GPR26: variants seen among roughly 807,000 people sequenced by gnomAD.
GPR26 encodes G protein-coupled receptor 26.
Under a neutral mutation model 23.1 loss-of-function variants are expected in GPR26, and 15 were observed. The observed-to-expected ratio is 0.65, with a 90% confidence interval of 0.43 to 1.00. The LOEUF (loss-of-function observed/expected upper bound fraction) is 1.00, where lower values mean the gene tolerates loss of function less well. Among genes scored for constraint, GPR26 ranks in the 50% least tolerant of loss-of-function variants. The pLI is 0.00. For missense variants in GPR26, 359 were observed against 470.5 expected (o/e 0.76, Z 2.19); for synonymous variants, 228 against 222.1 (o/e 1.03, Z -0.24).
chr10:123,671,897 T>C (rs7921171), intron 1 of GPR26, among the ~76,000 whole-genome samples: 42,560 of 152,122 alleles, frequency 0.28, 6,198 homozygotes, highest in Non-Finnish European at 0.32. Context: ...GAGCTCAGTT[T>C]TGCAAAGCTA....
Position 123,666,696 on chromosome 10 carries a change from A to G in GPR26, c.289A>G (p.Met97Val). The change falls in exon 1 of 3, where the codon ATG becomes GTG. Residue 97 changes from methionine (M) to valine (V), a missense_variant. Met to Val is a conservative substitution (Grantham distance 21, BLOSUM62 1). Coordinates refer to ENST00000284674, the MANE Select transcript of GPR26 (RefSeq NM_153442.4). ...TFLAANSMLSMAALSIDRWVA... is the reference protein window; with the variant it reads ...TFLAANSMLSVAALSIDRWVA... ...CCTGGCTGCCAACTCCATGCTCAGCATGGCCGCGCTCAGCATCGACCGCTG... is the reference window on the plus strand; with the variant it reads ...CCTGGCTGCCAACTCCATGCTCAGCGTGGCCGCGCTCAGCATCGACCGCTG... 1 of 1,599,496 alleles carries G rather than the reference A, an allele frequency of 6.3e-7. No homozygotes were observed. Among genetic ancestry groups the G allele is most frequent in the Non-Finnish European group, 8.5e-7 (1 of 1,178,262 alleles).
At position 123,666,555 on chromosome 10, in the gene GPR26, T is replaced by A; in HGVS notation, c.148T>A (p.Cys50Ser). The change falls in exon 1 of 3, where the codon TGC becomes AGC. Residue 50 changes from cysteine (C) to serine (S), a missense_variant. Transcript: ENST00000284674. ...APALFTLNLT[C>S]GNLLCTVVNM... ...GGCGCTCTTCACCCTGAACCTCACG[T>A]GCGGGAACCTGCTGTGCACCGTGGT... 1 of 1,596,660 alleles carries A rather than the reference T, an allele frequency of 6.3e-7. No homozygotes were observed. The highest frequency in any genetic ancestry group is 8.5e-7 in the Non-Finnish European group (1 of 1,174,004).
chr10:123,667,622 G>T (rs1022845695), intron 1 of GPR26, among the ~76,000 whole-genome samples: 1 of 149,694 alleles, frequency 6.7e-6, no homozygotes, highest in Non-Finnish European at 1.5e-5. Context: ...GACTCGGGCT[G>T]CGTCCTTCTC....
rs3740605 is a variant in GPR26, at chr10:123,693,948, C to T, written c.*5788C>T. ...GAGATCTGTCAGGGGTCCAGAGGAG[C>T]GGAGTCCTGGAGCCTCTGGGAGGGT... On this transcript the variant is annotated 3_prime_UTR_variant, in exon 3 of 3. Transcript: ENST00000284674. 0.17 allele frequency: 24,801 copies of T among 146,328 alleles called. 2,344 individuals are homozygous for T. Among genetic ancestry groups the T allele is most frequent in the East Asian group, 0.38 (1,966 of 5,176 alleles). The allele number at this position is 146,328 out of a possible 1,614,324, so 9.1% of individuals were successfully genotyped here. A position where few individuals can be genotyped will look rare whatever the true frequency, so the allele number is the denominator to read the frequency against.
At chr10:123,679,610 TGGGGTCA>T (rs1318302479) in intron 2 of GPR26, among the ~76,000 whole-genome samples, 4 of 137,354 alleles carry the variant, frequency 2.9e-5, no homozygotes, top group Admixed American at 2.2e-4. Context: ...AACTGAGGAC[TGGGGTCA>T]GGGAGTGTTT....
intron 2 of GPR26, among the ~76,000 whole-genome samples, chr10:123,681,463 C>G (rs1251500797): frequency 6.6e-6 from 1 of 152,220 alleles, no homozygotes; most frequent in East Asian, 1.9e-4. Flanking sequence ...ATATTCCCCA[C>G]AACTCCCCAG....
In GPR26 at chr10:123,697,126, A is replaced by G. The variant is rs919100201; in HGVS notation, c.*8966A>G. 6.6e-6 allele frequency among the ~76,000 whole-genome samples: 1 copy of G among 152,236 alleles called. No homozygotes were observed. Among genetic ancestry groups the G allele is most frequent in the Non-Finnish European group, 1.5e-5 (1 of 68,042 alleles). The stretch of plus-strand genomic sequence containing the variant: ...TTTACTTTCTTCTAATCTATTAAAC[A>G]TAAGTATGGCTCCATTTTTTTAGTA... On this transcript the variant is annotated 3_prime_UTR_variant, in exon 3 of 3. Transcript: ENST00000284674.
intron 1 of GPR26, among the ~76,000 whole-genome samples, chr10:123,667,616 C>T (rs4282930): frequency 0.59 from 84,621 of 144,256 alleles, 25,264 homozygotes; most frequent in Non-Finnish European, 0.64. Context: ...CTGATGGACT[C>T]GGGCTGCGTC....
intron 2 of GPR26, among the ~76,000 whole-genome samples, chr10:123,678,983 C>T (rs1845339323): frequency 6.6e-6 from 1 of 152,242 alleles, no homozygotes; most frequent in Non-Finnish European, 1.5e-5. Flanking sequence ...CCCTGCAAAG[C>T]ATTCAGCACA....
intron 2 of GPR26, among the ~76,000 whole-genome samples, chr10:123,678,031 G>T (rs1003567204): frequency 1.3e-5 from 2 of 152,168 alleles, no homozygotes; most frequent in South Asian, 4.1e-4. Context: ...GATTACTTGA[G>T]GCCAGGGGTT....
intron 1 of GPR26, among the ~76,000 whole-genome samples, chr10:123,673,722 GA>G (rs1287316203): frequency 6.6e-6 from 1 of 152,144 alleles, no homozygotes; most frequent in Non-Finnish European, 1.5e-5. Context: ...TGAGGCTGTG[GA>G]TGGAAGAAGC....
At chr10:123,671,458 T>A (rs1326326395) in intron 1 of GPR26, among the ~76,000 whole-genome samples, 1 of 152,146 alleles carries the variant, frequency 6.6e-6, no homozygotes, top group Non-Finnish European at 1.5e-5. Flanking sequence ...CCTGTCACAA[T>A]GCTGGAGGGC....
chr10:123,679,022 C>T (rs918424259), intron 2 of GPR26, among the ~76,000 whole-genome samples: 3 of 152,220 alleles, frequency 2.0e-5, no homozygotes, highest in African/African-American at 4.8e-5. Context: ...CTCTGGAATC[C>T]GGATCACTGA....
chr10:123,671,837 T>C (rs1845253262), intron 1 of GPR26, among the ~76,000 whole-genome samples: 1 of 152,210 alleles, frequency 6.6e-6, no homozygotes, highest in Non-Finnish European at 1.5e-5. Context: ...CTCAGTGTTC[T>C]CATCTGAATA....
chr10:123,687,088 G>C (rs570585444), intron 2 of GPR26, among the ~76,000 whole-genome samples: 3 of 152,028 alleles, frequency 2.0e-5, no homozygotes, highest in Non-Finnish European at 4.4e-5. Context: ...CTTGCCTGGA[G>C]CTGTCTGGTG....
chr10:123,675,280 C>A (rs759421269), intron 2 of GPR26, among the ~76,000 whole-genome samples: 3 of 152,124 alleles, frequency 2.0e-5, no homozygotes, highest in Non-Finnish European at 2.9e-5. Context: ...CCCCAAAACC[C>A]AGCTCCCCAC....
chr10:123,682,681 T>C (rs990038028), intron 2 of GPR26, among the ~76,000 whole-genome samples: 3 of 152,280 alleles, frequency 2.0e-5, no homozygotes, highest in African/African-American at 4.8e-5. Context: ...TCATAAATCA[T>C]TGGAATCAGC....
At chr10:123,676,321 T>C (rs1350662330) in intron 2 of GPR26, among the ~76,000 whole-genome samples, 1 of 152,176 alleles carries the variant, frequency 6.6e-6, no homozygotes, top group Non-Finnish European at 1.5e-5. Context: ...TGGGTCTGAC[T>C]GGAGCAGAAC....
Position 123,683,312 on chromosome 10 carries a change from C to T in GPR26, c.783-4617C>T, listed in dbSNP as rs36072249. On this transcript the variant is annotated intron_variant, in intron 2 of 2. Transcript: ENST00000284674. ...GCTGTGTAGCTTTGACACTTCTCTG[C>T]CTTGGTTCCATCTTCTGTACCATAG... Among the ~76,000 whole-genome samples the T allele has an allele frequency of 7.2e-3, 1,097 of 152,316 alleles. 7 individuals carry two copies. The highest frequency in any genetic ancestry group is 0.012 in the Non-Finnish European group (798 of 68,020).
Sources: gnomAD v4.1 joint callset for allele counts (sites outside exome capture counted in the v4.1 genomes callset) on GRCh38, gnomAD v4.1.1 for gene constraint, MANE v1.5 for transcripts, NCBI Gene and HGNC (gene_info 2026-07-23, HGNC 2026-07-21) for gene names.